Variants in PGAP4 observed in about 807,000 individuals in gnomAD.
The protein encoded by PGAP4 is GPI-N-acetylgalactosamine transferase PGAP4.
A neutral mutation model predicts 28.2 loss-of-function variants in PGAP4; 12 were observed. That is an observed-to-expected ratio of 0.42 (90% confidence interval 0.27 to 0.69). The LOEUF (loss-of-function observed/expected upper bound fraction) is 0.69, where lower values mean the gene tolerates loss of function less well. PGAP4 is among the 30% of genes least tolerant of loss of function. The pLI, the probability that PGAP4 is intolerant of heterozygous loss-of-function variation, is 0.22. For missense variants in PGAP4, 425 were observed against 513.5 expected, an observed-to-expected ratio of 0.83 and a Z score of 1.67; for synonymous variants, 205 against 211.8, an observed-to-expected ratio of 0.97 and a Z score of 0.28.
rs1234186440 is a variant in PGAP4 at position 101,495,182 on chromosome 9, TTTTG to T, written c.-164-5986_-164-5983del. ...ATATTTTATATATATTATATATATTTTTTGTATAATATAAAATATATCTTATATA... is the reference window on the plus strand; with the variant it reads ...ATATTTTATATATATTATATATATTTTATAATATAAAATATATCTTATATA... On this transcript the variant is annotated intron_variant, in intron 2 of 3. Coordinates refer to the PGAP4 transcript ENST00000374851. Among the ~76,000 whole-genome samples, 74 of 104,548 alleles carry T rather than the reference TTTTG, an allele frequency of 7.1e-4. 1 individual carries two copies. The highest frequency in any genetic ancestry group is 2.3e-3 in the African/African-American group (65 of 27,874). 68.6% of individuals were successfully genotyped at this position (104,548 alleles called of 152,430 possible). A position where few individuals can be genotyped will look rare whatever the true frequency, so the allele number is the denominator to read the frequency against.
chr9:101,484,349 G>C (rs186838442), intron 1 of PGAP4, among the ~76,000 whole-genome samples: 2 of 152,236 alleles, frequency 1.3e-5, no homozygotes, highest in East Asian at 1.9e-4. Context: ...CTAGCAAAGG[G>C]AACAGATTTT....
chr9:101,502,882 C>T (rs1826815836), intron 2 of PGAP4, among the ~76,000 whole-genome samples: 1 of 151,976 alleles, frequency 6.6e-6, no homozygotes, highest in Non-Finnish European at 1.5e-5. Flanking sequence ...GCCAAAAGTT[C>T]CTTTTTTTCA....
In PGAP4 at chr9:101,474,986, G is replaced by GCTTTTTTTT. The variant is rs148013361; in HGVS notation, c.*894_*895insAAAAAAAAG. 7.1e-6 allele frequency: 1 copy of GCTTTTTTTT among 141,536 alleles called. No homozygotes were observed. The allele number at this position is 141,536 out of a possible 1,614,324, so 8.8% of individuals were successfully genotyped here. On this transcript the variant is annotated 3_prime_UTR_variant, in exon 2 of 2. Transcript: ENST00000374848. Reference sequence around the variant, plus strand: ...GTCAGGTCTTCTGACTTCAGTCCATGATTTTTTTTTTTTTTTTTCTATAAC... The same window carrying GCTTTTTTTT: ...GTCAGGTCTTCTGACTTCAGTCCATGCTTTTTTTTATTTTTTTTTTTTTTTTTCTATAAC...
At chr9:101,501,467 A>G (rs1232527414) in intron 2 of PGAP4, among the ~76,000 whole-genome samples, 1 of 152,114 alleles carries the variant, frequency 6.6e-6, no homozygotes, top group Non-Finnish European at 1.5e-5. Context: ...AAGTTGGATA[A>G]TAACTTTTTT....
chr9:101,477,235 A>AAACAAAC (rs753221305), intron 1 of PGAP4, 66 bp from the exon 2 acceptor site: 22 of 962,120 alleles, frequency 2.3e-5, no homozygotes, highest in African/African-American at 2.0e-4. Flanking sequence ...AACAAACAAA[A>AAACAAAC]AAACAAAAGG....
At chr9:101,482,188 C>T (rs1007260836) in intron 1 of PGAP4, among the ~76,000 whole-genome samples, 11 of 152,216 alleles carry the variant, frequency 7.2e-5, no homozygotes, top group South Asian at 4.1e-4. Context: ...TGGCTCACAC[C>T]GGTAATCCCA....
chr9:101,509,862 C>T (rs1440617329), intron 2 of PGAP4, among the ~76,000 whole-genome samples: 2 of 146,506 alleles, frequency 1.4e-5, no homozygotes, highest in Non-Finnish European at 3.1e-5. Flanking sequence ...GCCGTCCAGT[C>T]ATGGCAGCCA....
chr9:101,504,209 G>GT lies in PGAP4; in HGVS notation c.-164-15010dup, dbSNP rs3081858. 3.1e-3 allele frequency among the ~76,000 whole-genome samples: 71 copies of GT among 22,702 alleles called. 2 individuals are homozygous for GT. Among genetic ancestry groups the GT allele is most frequent in the Non-Finnish European group, 4.0e-3 (50 of 12,430 alleles). The allele number at this position is 22,702 out of a possible 152,430, so 14.9% of individuals were successfully genotyped here. On this transcript the variant is annotated intron_variant, in intron 2 of 3. Coordinates refer to the PGAP4 transcript ENST00000374851. ...TTTGTTTGTGTGTGTGTGTGTGTTTGTTTTTTTTTTTTTTTTTTTTTTTTT... is the reference window on the plus strand; with the variant it reads ...TTTGTTTGTGTGTGTGTGTGTGTTTGTTTTTTTTTTTTTTTTTTTTTTTTTT...
intron 2 of PGAP4, among the ~76,000 whole-genome samples, chr9:101,498,267 AAAAC>A (rs1482829307): frequency 3.9e-5 from 6 of 151,940 alleles, no homozygotes; most frequent in Middle Eastern, 3.2e-3. Flanking sequence ...GCAAATTAGT[AAAAC>A]AAGTCTTTTG....
chr9:101,503,088 C>T (rs932456210), intron 2 of PGAP4, among the ~76,000 whole-genome samples: 7 of 152,094 alleles, frequency 4.6e-5, no homozygotes, highest in Non-Finnish European at 8.8e-5. Context: ...TTCTCTCTCA[C>T]TTCTCAGGGT....
intron 2 of PGAP4, among the ~76,000 whole-genome samples, chr9:101,514,656 T>G (rs1826928327): frequency 6.6e-6 from 1 of 152,100 alleles, no homozygotes; most frequent in Non-Finnish European, 1.5e-5. Context: ...TGCTATGGCT[T>G]TTCTTTTGCA....
chr9:101,521,123 T>A (rs757849282), intron 2 of PGAP4, among the ~76,000 whole-genome samples: 9 of 152,334 alleles, frequency 5.9e-5, no homozygotes, highest in Non-Finnish European at 1.3e-4. Context: ...GGTTAGCTAC[T>A]ATTTTGTGAA....
chr9:101,481,114 G>C (rs893905727), intron 1 of PGAP4, among the ~76,000 whole-genome samples: 1 of 152,176 alleles, frequency 6.6e-6, no homozygotes, highest in Admixed American at 6.5e-5. Context: ...GCAGGTCGAG[G>C]CCGCAGTGAG....
At chr9:101,483,311 T>C (rs547654425) in intron 1 of PGAP4, among the ~76,000 whole-genome samples, 2 of 150,522 alleles carry the variant, frequency 1.3e-5, no homozygotes, top group East Asian at 4.0e-4. Context: ...ATCGACTTAT[T>C]TGTAAATGTT....
chr9:101,500,530 GTT>G (rs199578673), intron 2 of PGAP4, among the ~76,000 whole-genome samples: 1 of 144,546 alleles, frequency 6.9e-6, no homozygotes, highest in Non-Finnish European at 1.5e-5. Context: ...TGCAAGACTT[GTT>G]TTTTTTTTTT....
In PGAP4 at chr9:101,473,437, T is replaced by A. The variant is rs1243591966; in HGVS notation, c.*2444A>T. On this transcript the variant is annotated 3_prime_UTR_variant, in exon 2 of 2. Coordinates refer to ENST00000374848, the MANE Select transcript of PGAP4 (RefSeq NM_032342.3). The stretch of plus-strand genomic sequence containing the variant: ...CCTAATCAAGGACAATACACAAAAA[T>A]TAGACTCCTTATAAGAATAAGGGAT... 1.3e-5 allele frequency: 2 copies of A among 152,206 alleles called. No homozygotes were observed. Among genetic ancestry groups the A allele is most frequent in the Non-Finnish European group, 2.9e-5 (2 of 68,052 alleles). The allele number at this position is 152,206 out of a possible 1,614,324, so 9.4% of individuals were successfully genotyped here. A position where few individuals can be genotyped will look rare whatever the true frequency, so the allele number is the denominator to read the frequency against.
chr9:101,477,032 C>T lies in PGAP4; in HGVS notation c.61G>A (p.Gly21Ser). 1 of 1,612,396 alleles carries T rather than the reference C, an allele frequency of 6.2e-7. No homozygotes were observed. The change falls in exon 2 of 2, where the codon GGC becomes AGC. Residue 21 changes from glycine to serine, a missense_variant. Gly to Ser is a moderately conservative substitution (Grantham distance 56). Coordinates refer to ENST00000374848, the MANE Select transcript of PGAP4 (RefSeq NM_032342.3). ...LLRRLRRLSW[G>S]STAVQLFILT... ...ATGAAGAGCTGGACAGCAGTGCTGC[C>T]CCAGGAGAGTCGCCGCAGCCTCCGG...
chr9:101,499,867 C>T (rs1826782301), intron 2 of PGAP4, among the ~76,000 whole-genome samples: 2 of 151,988 alleles, frequency 1.3e-5, no homozygotes, highest in African/African-American at 4.8e-5. Flanking sequence ...ACGCAATGTT[C>T]CTTTATCTCT....
rs575004089 is a variant in PGAP4, at chr9:101,510,698, A to G, written c.-165+20650T>C. Among the ~76,000 whole-genome samples the G allele has an allele frequency of 3.3e-5, 5 of 152,266 alleles. No individual in the cohort carries two copies. In the East Asian group the frequency reaches 9.7e-4, roughly 29 times the overall value. On this transcript the variant is annotated intron_variant, in intron 2 of 3. Transcript: ENST00000374851. ...CGTTTGTTTTTTACTCATTTTGGCT[A>G]TGGTTAGCATGTGGGCTTACCAAAA...
Sources: gnomAD v4.1 joint callset for allele counts (sites outside exome capture counted in the v4.1 genomes callset) on GRCh38, gnomAD v4.1.1 for gene constraint, MANE v1.5 for transcripts, NCBI Gene and HGNC (gene_info 2026-07-23, HGNC 2026-07-21) for gene names.